Variants in USP46 observed in about 807,000 individuals in gnomAD.
The protein encoded by USP46 is ubiquitin specific peptidase 46.
Under a neutral mutation model 44.4 loss-of-function variants are expected in USP46, and 12 were observed. That is an observed-to-expected ratio of 0.27 (90% confidence interval 0.17 to 0.44). The LOEUF (loss-of-function observed/expected upper bound fraction) is 0.44. Ranked by LOEUF, USP46 falls within the 20% of genes least tolerant of loss-of-function variation. The pLI is 1.00. For synonymous variants in USP46, 155 were observed against 161.5 expected, an observed-to-expected ratio of 0.96 and a Z score of 0.31; for missense variants, 248 against 444.8, an observed-to-expected ratio of 0.56 and a Z score of 3.98.
chr4:52,649,016 T>A (rs767750347), intron 1 of USP46, among the ~76,000 whole-genome samples: 1 of 152,210 alleles, frequency 6.6e-6, no homozygotes, highest in Non-Finnish European at 1.5e-5. Flanking sequence ...TCTCTACCCG[T>A]GTCTCCCAAT....
At chr4:52,648,291 CA>C (rs533391395) in intron 1 of USP46, among the ~76,000 whole-genome samples, 1 of 152,176 alleles carries the variant, frequency 6.6e-6, no homozygotes, top group Non-Finnish European at 1.5e-5. Flanking sequence ...TTATCTGAGC[CA>C]ATGTCACCCA....
In USP46 at chr4:52,591,329, A is replaced by G. The variant is rs540990441; in HGVS notation, c.*6311T>C. 6.6e-6 allele frequency: 1 copy of G among 152,222 alleles called. No homozygotes were observed. Among genetic ancestry groups the G allele is most frequent in the Non-Finnish European group, 1.5e-5 (1 of 68,036 alleles). The allele number at this position is 152,222 out of a possible 1,614,324, so 9.4% of individuals were successfully genotyped here. ...TGATCAAGTTATTTTGCTTCTGGTC[A>G]AGTCGGATACAAGTCTGAGTTTTCT... On this transcript the variant is annotated 3_prime_UTR_variant, in exon 9 of 9. Coordinates refer to ENST00000441222, the MANE Select transcript of USP46 (RefSeq NM_022832.4).
chr4:52,615,752 T>A (rs768936413), intron 4 of USP46, among the ~76,000 whole-genome samples: 2 of 152,166 alleles, frequency 1.3e-5, no homozygotes, highest in Non-Finnish European at 2.9e-5. Flanking sequence ...TCATGAGGGA[T>A]CTTACTGGTG....
At position 52,626,149 on chromosome 4, in the gene USP46, T is replaced by G; in HGVS notation, c.430A>C (p.Lys144Gln). Reference protein sequence around the residue: ...DILQEEKKQEKQNGKLKNGNM... With the variant: ...DILQEEKKQEQQNGKLKNGNM... ...CCATTTTTTAATTTTCCATTTTGTT[T>G]TTCCTGTTTCTTCTCCTCCTGAAGG... Residue 144 changes from lysine (K) to glutamine (Q), a missense_variant, in exon 4 of 9, where the codon AAA becomes CAA. By Grantham distance (53) the Lys-to-Gln change is moderately conservative. This residue lies in a region of USP46 where 37 missense variants were observed against 30.6 expected (regional missense o/e 1.21). Transcript: ENST00000441222. The G allele has an allele frequency of 6.2e-7, 1 of 1,613,936 alleles. No individual in the cohort carries two copies. The highest frequency in any genetic ancestry group is 8.5e-7 in the Non-Finnish European group (1 of 1,179,860).
intron 5 of USP46, among the ~76,000 whole-genome samples, chr4:52,605,867 G>T (rs545468145): frequency 6.6e-6 from 1 of 152,328 alleles, no homozygotes; most frequent in African/African-American, 2.4e-5. Context: ...GTGATTGCAG[G>T]TGCTATTTTC....
intron 3 of USP46, among the ~76,000 whole-genome samples, chr4:52,627,009 G>T (rs1475213242): frequency 6.6e-6 from 1 of 152,228 alleles, no homozygotes; most frequent in East Asian, 1.9e-4. Flanking sequence ...ACAGAAGGGA[G>T]ATGAGGGTAT....
intron 1 of USP46, among the ~76,000 whole-genome samples, chr4:52,632,918 G>GAGAAAGAAAGAAAGAAAGAA (rs58983073): frequency 0.023 from 804 of 35,134 alleles, 90 homozygotes; most frequent in East Asian, 0.042. Flanking sequence ...AAGAAAGAAA[G>GAGAAAGAAAGAAAGAAAGAA]AGAAAGAAAG....
chr4:52,603,543 C>T (rs980104823), intron 6 of USP46, among the ~76,000 whole-genome samples: 1 of 152,080 alleles, frequency 6.6e-6, no homozygotes, highest in Non-Finnish European at 1.5e-5. Context: ...AGGAAGCCTT[C>T]GCAGGATGAC....
chr4:52,622,308 C>T (rs1445551086), intron 4 of USP46, among the ~76,000 whole-genome samples: 3 of 151,944 alleles, frequency 2.0e-5, no homozygotes, highest in South Asian at 2.1e-4. Flanking sequence ...TATAAACATA[C>T]GTTATACACA....
intron 1 of USP46, among the ~76,000 whole-genome samples, chr4:52,647,844 G>A (rs1046979486): frequency 6.6e-5 from 10 of 152,196 alleles, no homozygotes; most frequent in African/African-American, 9.6e-5. Flanking sequence ...TCAGTGACCT[G>A]CCCAACACCG....
At chr4:52,645,818 G>A (rs1276879863) in intron 1 of USP46, among the ~76,000 whole-genome samples, 2 of 152,130 alleles carry the variant, frequency 1.3e-5, no homozygotes, top group East Asian at 3.8e-4. Context: ...GAGGTGATTG[G>A]ATCATTGGGG....
chr4:52,658,305 G>A (rs1254329204), intron 1 of USP46: 2 of 456,142 alleles, frequency 4.4e-6, no homozygotes, highest in Admixed American at 2.4e-5. Flanking sequence ...GAAAGCAATG[G>A]GGGAAACCCA....
chr4:52,627,573 C>A lies in USP46; in HGVS notation c.331+377G>T, dbSNP rs190279034. On this transcript the variant is annotated intron_variant, in intron 3 of 8. Coordinates refer to ENST00000441222, the MANE Select transcript of USP46 (RefSeq NM_022832.4). ...AGATAACAGGCACTTATTTTAATCA[C>A]CTATGACAAGTTTATAAGCCAGTAC... is the stretch of plus-strand genomic sequence containing the variant. Among the ~76,000 whole-genome samples, 3 of 152,304 alleles carry A rather than the reference C, an allele frequency of 2.0e-5. No individual in the cohort carries two copies. The East Asian group carries it at 5.8e-4, about 29-fold the overall frequency.
At chr4:52,601,446 C>A (rs1716467715) in intron 7 of USP46, among the ~76,000 whole-genome samples, 1 of 151,964 alleles carries the variant, frequency 6.6e-6, no homozygotes, top group Admixed American at 6.6e-5. Flanking sequence ...CTCAAAGTGC[C>A]AAAAAATTAT....
In USP46 at chr4:52,597,418, G is replaced by T; in HGVS notation, c.*222C>A. 2.1e-6 allele frequency: 1 copy of T among 470,582 alleles called. No homozygotes were observed. Among genetic ancestry groups the T allele is most frequent in the Non-Finnish European group, 3.7e-6 (1 of 266,778 alleles). 29.2% of individuals were successfully genotyped at this position (470,582 alleles called of 1,614,324 possible). Reference sequence around the variant, plus strand: ...TAGCAACCGTTATTCATATAAATCAGACTACAATCTGATTGCAGTTAACTC... The same window carrying T: ...TAGCAACCGTTATTCATATAAATCATACTACAATCTGATTGCAGTTAACTC... On this transcript the variant is annotated 3_prime_UTR_variant, in exon 9 of 9. Transcript: ENST00000441222.
At chr4:52,641,287 C>A (rs538580804) in intron 1 of USP46, among the ~76,000 whole-genome samples, 208 of 152,168 alleles carry the variant, frequency 1.4e-3, no homozygotes, top group Middle Eastern at 0.014. Flanking sequence ...CAGTAAAAAA[C>A]GTAGTAACCT....
At chr4:52,603,798 C>T (rs1020783566) in intron 6 of USP46, among the ~76,000 whole-genome samples, 1 of 152,148 alleles carries the variant, frequency 6.6e-6, no homozygotes, top group Non-Finnish European at 1.5e-5. Context: ...GATTCTCCTG[C>T]CTCAGCCTCC....
At chr4:52,622,924 G>GCA (rs751929483) in intron 4 of USP46, among the ~76,000 whole-genome samples, 1 of 152,200 alleles carries the variant, frequency 6.6e-6, no homozygotes, top group Admixed American at 6.5e-5. Context: ...AGATGACCCT[G>GCA]CAGAGACAGA....
intron 1 of USP46, among the ~76,000 whole-genome samples, chr4:52,655,779 T>A (rs536041949): frequency 6.6e-6 from 1 of 152,302 alleles, no homozygotes; most frequent in South Asian, 2.1e-4. Context: ...CCTGAGCAAG[T>A]TCATCAAGAA....
Sources: gnomAD v4.1 joint callset for allele counts (sites outside exome capture counted in the v4.1 genomes callset) on GRCh38, gnomAD v4.1.1 for gene constraint, gnomAD v4.1.1 regional missense constraint, MANE v1.5 for transcripts, NCBI Gene and HGNC (gene_info 2026-07-23, HGNC 2026-07-21) for gene names.